RGS6: variants seen among roughly 807,000 people sequenced by gnomAD.
RGS6 encodes regulator of G protein signaling 6.
Under a neutral mutation model 78.5 loss-of-function variants are expected in RGS6, and 30 were observed. The ratio of observed to expected loss-of-function variants is 0.38; its 90% CI spans 0.29 to 0.52. RGS6 has a LOEUF of 0.52. Among genes scored for constraint, RGS6 ranks in the 20% least tolerant of loss-of-function variants. The pLI is 0.85. For synonymous variants in RGS6, 206 were observed against 206.0 expected (o/e 1.00, Z 0.00); for missense variants, 495 against 609.7 (o/e 0.81, Z 1.98).
downstream of RGS6, among the ~76,000 whole-genome samples, chr14:72,568,036 G>A (rs1259302955): frequency 6.6e-6 from 1 of 152,184 alleles, no homozygotes; most frequent in African/African-American, 2.4e-5. Context: ...GGGGTGTCGG[G>A]TGTAGCCACG....
intron 2 of RGS6, among the ~76,000 whole-genome samples, chr14:71,966,069 G>A (rs1402662156): frequency 6.6e-6 from 1 of 152,148 alleles, no homozygotes; most frequent in Non-Finnish European, 1.5e-5. Context: ...TGACATAATT[G>A]CTTCTTATTG....
At chr14:72,441,836 G>T (rs562839250) in intron 3 of RGS6, among the ~76,000 whole-genome samples, 1 of 152,350 alleles carries the variant, frequency 6.6e-6, no homozygotes, top group East Asian at 1.9e-4. Flanking sequence ...AGCCCTTCTG[G>T]ATAGGAGGCC....
At chr14:72,338,534 G>A (rs1595969294) in intron 2 of RGS6, among the ~76,000 whole-genome samples, 1 of 152,222 alleles carries the variant, frequency 6.6e-6, no homozygotes, top group African/African-American at 2.4e-5. Flanking sequence ...GATTTGGGTG[G>A]GGACACAGCC....
intron 2 of RGS6, among the ~76,000 whole-genome samples, chr14:71,996,607 G>A (rs2095215878): frequency 6.6e-6 from 1 of 152,140 alleles, no homozygotes; most frequent in African/African-American, 2.4e-5. Flanking sequence ...AAAATTGGGC[G>A]TTTTCAGGAC....
At chr14:72,108,913 C>T (rs1220678826) in intron 2 of RGS6, among the ~76,000 whole-genome samples, 4 of 151,928 alleles carry the variant, frequency 2.6e-5, no homozygotes, top group Non-Finnish European at 4.4e-5. Flanking sequence ...TTGTTTTATT[C>T]GTTTTCCTCT....
At chr14:72,063,496 AATAAAG>A (rs1307697504) in intron 2 of RGS6, among the ~76,000 whole-genome samples, 4 of 152,288 alleles carry the variant, frequency 2.6e-5, no homozygotes, top group African/African-American at 9.6e-5. Context: ...GAGATGAGGA[AATAAAG>A]ATAGGATATA....
At chr14:72,345,364 A>G (rs1047795297) in intron 2 of RGS6, among the ~76,000 whole-genome samples, 8 of 152,210 alleles carry the variant, frequency 5.3e-5, no homozygotes, top group African/African-American at 1.2e-4. Context: ...GTTACTTTCC[A>G]TGAAAAGCAT....
At chr14:72,541,570 C>A (rs1321045034) in intron 17 of RGS6, 3 of 1,535,658 alleles carry the variant, frequency 2.0e-6, no homozygotes, top group Non-Finnish European at 1.7e-6. Flanking sequence ...CACGGGCTGT[C>A]AGAGTCAAGG....
the RGS6 span, among the ~76,000 whole-genome samples, chr14:71,887,096 G>C: frequency 6.6e-6 from 1 of 152,192 alleles, no homozygotes; most frequent in East Asian, 1.9e-4. Flanking sequence ...GGACCAGCTG[G>C]AGCTGCAGCA....
rs544922439 is a variant in RGS6 at position 72,074,054 on chromosome 14, T to C, written c.84+109179T>C. ...TCAACTTAGCAGATATCTGTTGGAA[T>C]CATTTAAGGTGTTTGTTTCCAAAAG... is the stretch of plus-strand genomic sequence containing the variant. On this transcript the variant is annotated intron_variant, in intron 2 of 17. Coordinates refer to ENST00000553525, the MANE Select transcript of RGS6 (RefSeq NM_001204424.2). Among the ~76,000 whole-genome samples, 90 of 152,308 alleles carry C rather than the reference T, an allele frequency of 5.9e-4. 1 individual carries two copies. The highest frequency in any genetic ancestry group is 2.1e-3 in the African/African-American group (87 of 41,566).
intron 2 of RGS6, among the ~76,000 whole-genome samples, chr14:72,082,433 C>T (rs1206311094): frequency 6.6e-6 from 1 of 151,850 alleles, no homozygotes; most frequent in Non-Finnish European, 1.5e-5. Context: ...ATTTCTTTTT[C>T]AGGTAATTCA....
intron 3 of RGS6, among the ~76,000 whole-genome samples, chr14:72,379,245 T>C (rs1020961586): frequency 6.6e-6 from 1 of 152,064 alleles, no homozygotes; most frequent in African/African-American, 2.4e-5. Context: ...GGGGAAATCT[T>C]TAAAGCTTTT....
chr14:72,207,020 T>C (rs2042880644), intron 2 of RGS6, among the ~76,000 whole-genome samples: 1 of 152,228 alleles, frequency 6.6e-6, no homozygotes, highest in African/African-American at 2.4e-5. Context: ...GTTTGAATTT[T>C]TTATAATTAG....
chr14:72,166,097 C>CAG (rs2096922116), intron 2 of RGS6, among the ~76,000 whole-genome samples: 3 of 31,726 alleles, frequency 9.5e-5, no homozygotes, highest in Non-Finnish European at 2.2e-4. Flanking sequence ...TTTTGAGACA[C>CAG]ACACACACAC....
chr14:72,352,103 C>T lies in RGS6; in HGVS notation c.93C>T (p.Asp31=), dbSNP rs61749504. Residue 31 remains aspartate (D), a synonymous_variant, in exon 3 of 18, where the codon GAC becomes GAT. Transcript: ENST00000553525. ...TCTTTAACCTCTTTCAGATTGAAGACATCATTACAAAGATGCAAGATGACA... is the reference window on the plus strand; with the variant it reads ...TCTTTAACCTCTTTCAGATTGAAGATATCATTACAAAGATGCAAGATGACA... ...PNMIVYCKIE[D]IITKMQDDKT... is the part of the protein sequence containing the mutation. The T allele has an allele frequency of 2.0e-3, 3,185 of 1,610,960 alleles. 54 individuals are homozygous for T. The African/African-American group carries it at 0.037, about 19-fold the overall frequency.
intron 2 of RGS6, among the ~76,000 whole-genome samples, chr14:72,225,257 A>T (rs770251214): frequency 1.3e-5 from 2 of 152,230 alleles, no homozygotes; most frequent in Non-Finnish European, 2.9e-5. Flanking sequence ...GTGATATGTG[A>T]AGTGGCCCTT....
intron 4 of RGS6, among the ~76,000 whole-genome samples, chr14:72,455,570 C>T (rs1307178673): frequency 6.6e-6 from 1 of 152,012 alleles, no homozygotes; most frequent in Non-Finnish European, 1.5e-5. Context: ...CTCTGAGTGC[C>T]AGAAAAGCAG....
At chr14:72,259,353 A>G (rs1463947848) in intron 2 of RGS6, among the ~76,000 whole-genome samples, 1 of 152,178 alleles carries the variant, frequency 6.6e-6, no homozygotes, top group Non-Finnish European at 1.5e-5. Context: ...GGTTTGCCAC[A>G]GTCTCCACCA....
chr14:72,541,421 T>G, intron 17 of RGS6: 1 of 1,523,916 alleles, frequency 6.6e-7, no homozygotes, highest in Non-Finnish European at 8.8e-7. Context: ...ATCCATCCCT[T>G]CCCTTCCTCG....
Sources: gnomAD v4.1 joint callset for allele counts (sites outside exome capture counted in the v4.1 genomes callset) on GRCh38, gnomAD v4.1.1 for gene constraint, MANE v1.5 for transcripts, NCBI Gene and HGNC (gene_info 2026-07-23, HGNC 2026-07-21) for gene names.